LHFPL6: variants seen among roughly 807,000 people sequenced by gnomAD.
The protein encoded by LHFPL6 is LHFPL tetraspan subfamily member 6 protein.
LHFPL6 carries 9 observed loss-of-function variants against 20.6 expected under a neutral mutation model. That is an observed-to-expected ratio of 0.44 (90% CI 0.26 to 0.76). The LOEUF (loss-of-function observed/expected upper bound fraction) is 0.76. LHFPL6 is among the 30% of genes least tolerant of loss of function. The probability of loss-of-function intolerance (pLI) is 0.20; values close to 1 mark genes in which losing one functional copy is unlikely to be tolerated. For missense variants in LHFPL6, 218 were observed against 253.5 expected (o/e 0.86, Z 0.95); for synonymous variants, 105 against 98.7 (o/e 1.06, Z -0.38).
chr13:39,381,819 T>A (rs1386422218), intron 2 of LHFPL6, among the ~76,000 whole-genome samples: 1 of 92,548 alleles, frequency 1.1e-5, no homozygotes, highest in Admixed American at 1.4e-4. Context: ...CAGAGCAAAT[T>A]TATAGACAAA....
At chr13:39,523,008 G>A (rs765511769) in intron 2 of LHFPL6, among the ~76,000 whole-genome samples, 8 of 152,172 alleles carry the variant, frequency 5.3e-5, no homozygotes, top group Non-Finnish European at 1.2e-4. Context: ...AATGTAAGAT[G>A]AGGGAAATAC....
At chr13:39,352,451 C>G (rs1007665133) in intron 3 of LHFPL6, among the ~76,000 whole-genome samples, 1 of 152,206 alleles carries the variant, frequency 6.6e-6, no homozygotes, top group Admixed American at 6.5e-5. Flanking sequence ...GAAAGCGCAG[C>G]ACAGGACACT....
intron 2 of LHFPL6, among the ~76,000 whole-genome samples, chr13:39,595,889 C>G (rs1872756080): frequency 6.6e-6 from 1 of 152,148 alleles, no homozygotes; most frequent in Non-Finnish European, 1.5e-5. Context: ...CCTAATCATT[C>G]TATGTTTCCA....
intron 2 of LHFPL6, among the ~76,000 whole-genome samples, chr13:39,453,072 C>A (rs1236070441): frequency 6.6e-6 from 1 of 152,158 alleles, no homozygotes; most frequent in African/African-American, 2.4e-5. Context: ...TAGAGAGAAG[C>A]CTGCTGACTT....
At chr13:39,412,104 T>C (rs1455920666) in intron 2 of LHFPL6, among the ~76,000 whole-genome samples, 1 of 152,230 alleles carries the variant, frequency 6.6e-6, no homozygotes, top group Non-Finnish European at 1.5e-5. Context: ...GAGCTAGAAA[T>C]AAACTTTTAC....
chr13:39,370,071 T>C (rs972969736), intron 3 of LHFPL6, among the ~76,000 whole-genome samples: 1 of 152,076 alleles, frequency 6.6e-6, no homozygotes, highest in East Asian at 1.9e-4. Flanking sequence ...ACTTCTAGAG[T>C]AAAGGCAGAA....
At position 39,342,978 on chromosome 13, in the gene LHFPL6, A is replaced by T. The variant is rs1466953347; in HGVS notation, c.*958T>A. 1 of 187,800 alleles carries T rather than the reference A, an allele frequency of 5.3e-6. No individual in the cohort carries two copies. The highest frequency in any genetic ancestry group is 8.6e-5 in the East Asian group (1 of 11,662). The allele number at this position is 187,800 out of a possible 1,614,324, so 11.6% of individuals were successfully genotyped here. Reference sequence around the variant, plus strand: ...AAATTTTTTACAAAATGAATATAGAAATAAATGTGGTACAGCACAGTACAA... The same window carrying T: ...AAATTTTTTACAAAATGAATATAGATATAAATGTGGTACAGCACAGTACAA... On this transcript the variant is annotated 3_prime_UTR_variant, in exon 4 of 4. Coordinates refer to ENST00000379589, the MANE Select transcript of LHFPL6 (RefSeq NM_005780.3).
At chr13:39,524,520 A>C (rs1213951885) in intron 2 of LHFPL6, among the ~76,000 whole-genome samples, 2 of 152,250 alleles carry the variant, frequency 1.3e-5, no homozygotes, top group African/African-American at 4.8e-5. Flanking sequence ...AGAGAAGGGA[A>C]CAAGGTCTTG....
intron 2 of LHFPL6, among the ~76,000 whole-genome samples, chr13:39,468,857 A>G (rs961339136): frequency 4.2e-5 from 6 of 143,484 alleles, no homozygotes; most frequent in African/African-American, 1.6e-4. Context: ...TTCACCACTT[A>G]TACAGCTGGA....
chr13:39,499,841 T>C (rs1192018043), intron 2 of LHFPL6, among the ~76,000 whole-genome samples: 1 of 152,222 alleles, frequency 6.6e-6, no homozygotes, highest in African/African-American at 2.4e-5. Context: ...AATTCTTTTT[T>C]GATCCAACTA....
At chr13:39,508,369 G>T (rs1194662065) in intron 2 of LHFPL6, among the ~76,000 whole-genome samples, 2 of 152,066 alleles carry the variant, frequency 1.3e-5, no homozygotes, top group Non-Finnish European at 2.9e-5. Context: ...GTACACAATT[G>T]ATAAATTTTG....
At chr13:39,585,569 T>A (rs1872424722) in intron 2 of LHFPL6, among the ~76,000 whole-genome samples, 1 of 152,184 alleles carries the variant, frequency 6.6e-6, no homozygotes, top group Admixed American at 6.5e-5. Context: ...TTACTACAGG[T>A]GACTGACAGC....
intron 2 of LHFPL6, among the ~76,000 whole-genome samples, chr13:39,455,275 G>A (rs551918342): frequency 9.2e-5 from 14 of 152,196 alleles, no homozygotes; most frequent in South Asian, 4.2e-4. Flanking sequence ...AGCTACAGCC[G>A]GGCCGGCGGC....
chr13:39,598,012 A>G (rs1872819364), intron 2 of LHFPL6, among the ~76,000 whole-genome samples: 1 of 152,208 alleles, frequency 6.6e-6, no homozygotes, highest in Non-Finnish European at 1.5e-5. Flanking sequence ...GGAGCAGCCT[A>G]ACTTTAGCTA....
At chr13:39,392,270 C>A (rs1870727572) in intron 2 of LHFPL6, among the ~76,000 whole-genome samples, 1 of 152,026 alleles carries the variant, frequency 6.6e-6, no homozygotes, top group Non-Finnish European at 1.5e-5. Flanking sequence ...ATAACCAGCA[C>A]AGTAAAATGA....
At position 39,555,921 on chromosome 13, in the gene LHFPL6, C is replaced by G. The variant is rs184549690; in HGVS notation, c.385+44911G>C. Among the ~76,000 whole-genome samples the G allele has an allele frequency of 2.6e-5, 4 of 152,224 alleles. No homozygotes were observed. In the East Asian group the frequency reaches 7.7e-4, roughly 29 times the overall value. ...TCTCTCATGAATGGCTTAGTACCAT[C>G]CCCTTGGTGGTAAGTGAGTTCTCAC... On this transcript the variant is annotated intron_variant, in intron 2 of 3. Coordinates refer to ENST00000379589, the MANE Select transcript of LHFPL6 (RefSeq NM_005780.3).
At chr13:39,544,456 T>C (rs1190308263) in intron 2 of LHFPL6, among the ~76,000 whole-genome samples, 1 of 152,174 alleles carries the variant, frequency 6.6e-6, no homozygotes, top group African/African-American at 2.4e-5. Flanking sequence ...GAATAGAAGA[T>C]AGCCTCCCAA....
At chr13:39,476,776 A>G (rs1873094561) in intron 2 of LHFPL6, among the ~76,000 whole-genome samples, 1 of 152,316 alleles carries the variant, frequency 6.6e-6, no homozygotes, top group East Asian at 1.9e-4. Flanking sequence ...TCAATAATCT[A>G]AAACCTGTGA....
chr13:39,572,886 T>C (rs1011054210), intron 2 of LHFPL6, among the ~76,000 whole-genome samples: 1 of 152,196 alleles, frequency 6.6e-6, no homozygotes, highest in Non-Finnish European at 1.5e-5. Flanking sequence ...GCCAGTCACA[T>C]GGTCTTTGGG....
Sources: gnomAD v4.1 joint callset for allele counts (sites outside exome capture counted in the v4.1 genomes callset) on GRCh38, gnomAD v4.1.1 for gene constraint, MANE v1.5 for transcripts, NCBI Gene and HGNC (gene_info 2026-07-23, HGNC 2026-07-21) for gene names.